Variants in PHKA2 observed in about 807,000 individuals in gnomAD.
PHKA2 encodes the protein phosphorylase kinase regulatory subunit alpha 2.
A neutral mutation model predicts 102.0 loss-of-function variants in PHKA2; 31 were observed. The ratio of observed to expected loss-of-function variants is 0.30; its 90% CI spans 0.23 to 0.41. The LOEUF (loss-of-function observed/expected upper bound fraction) is 0.41, where lower values mean the gene tolerates loss of function less well. Ranked by LOEUF, PHKA2 falls within the 10% of genes least tolerant of loss-of-function variation. PHKA2 has a pLI of 1.00. For synonymous variants in PHKA2, 455 were observed against 416.2 expected (o/e 1.09, Z -1.13); for missense variants, 858 against 1,023.1 (o/e 0.84, Z 2.20).
chrX:18,921,439 A>C (rs897231119), intron 17 of PHKA2, among the ~76,000 whole-genome samples: 13 of 111,548 alleles, frequency 1.2e-4, no homozygotes, highest in Admixed American at 3.8e-4. Flanking sequence ...AAACAACAAC[A>C]ACCCTCAGAA....
chrX:18,975,549 T>C (rs751710455), intron 1 of PHKA2, among the ~76,000 whole-genome samples: 5 of 112,237 alleles, frequency 4.5e-5, no homozygotes, highest in Non-Finnish European at 9.4e-5. Context: ...TTAACAAAAC[T>C]CTATCTTCCA....
chrX:18,974,264 T>C (rs895585801), intron 1 of PHKA2, among the ~76,000 whole-genome samples: 5 of 111,181 alleles, frequency 4.5e-5, no homozygotes, highest in African/African-American at 1.3e-4. Context: ...ACAGCAGAAC[T>C]CTTCAGAAGA....
chrX:18,909,189 G>A (rs1178239188), intron 20 of PHKA2, among the ~76,000 whole-genome samples: 1 of 112,182 alleles, frequency 8.9e-6, no homozygotes, highest in Non-Finnish European at 1.9e-5. Context: ...AAGGTTCACA[G>A]ACCAGTAGAA....
chrX:18,906,984 C>G (rs2047829628), intron 23 of PHKA2, 34 bp downstream of exon 23: 1 of 1,148,837 alleles, frequency 8.7e-7, no homozygotes, highest in Non-Finnish European at 1.2e-6. Context: ...ATGGCTCCCC[C>G]GCAAACCTGA....
chrX:18,903,424 C>T (rs759597559), intron 26 of PHKA2, among the ~76,000 whole-genome samples: 42 of 112,469 alleles, frequency 3.7e-4, no homozygotes, highest in African/African-American at 1.2e-3. Context: ...GCTGTGGGCC[C>T]GAGGGGCTGG....
intron 20 of PHKA2, among the ~76,000 whole-genome samples, chrX:18,909,366 TTG>T (rs1207661719): frequency 8.9e-6 from 1 of 111,734 alleles, no homozygotes; most frequent in Non-Finnish European, 1.9e-5. Context: ...ATATGCCAGA[TTG>T]GTATATTGAC....
At chrX:18,931,262 G>A (rs1234928472) in intron 12 of PHKA2, among the ~76,000 whole-genome samples, 2 of 111,553 alleles carry the variant, frequency 1.8e-5, no homozygotes, top group African/African-American at 3.3e-5. Context: ...CTAAGACTGG[G>A]GCAGGGGCAC....
Position 18,910,916 on chromosome X carries a change from T to A in PHKA2, c.2182A>T (p.Lys728Ter). ...LPTKVLSAHRKSLNLVDSPQP... is the reference protein window; with the variant it reads ...LPTKVLSAHR ...GGAGAATCAACAAGATTCAGTGATTTACGGTGGGCACTTAGAACTTTAGTC... is the reference window on the plus strand; with the variant it reads ...GGAGAATCAACAAGATTCAGTGATTAACGGTGGGCACTTAGAACTTTAGTC... Residue 728 changes from lysine (K) to a stop codon, truncating the protein, a stop_gained, in exon 20 of 33, where the codon AAA (lysine) becomes TAA (stop). Coordinates refer to ENST00000379942, the MANE Select transcript of PHKA2 (RefSeq NM_000292.3). LOFTEE classifies it high-confidence loss of function. 1 of 1,197,310 alleles carries A rather than the reference T, an allele frequency of 8.4e-7. No homozygotes were observed.
At chrX:18,933,594 C>T (rs1174751779) in intron 11 of PHKA2, among the ~76,000 whole-genome samples, 5 of 112,523 alleles carry the variant, frequency 4.4e-5, no homozygotes, top group African/African-American at 9.7e-5. Context: ...CCCAGGGCTG[C>T]GGCTACCCTG....
intron 17 of PHKA2, among the ~76,000 whole-genome samples, chrX:18,920,507 C>CA (rs1420466475): frequency 1.8e-5 from 2 of 112,458 alleles, no homozygotes; most frequent in Non-Finnish European, 3.7e-5. Flanking sequence ...ATATATTGCG[C>CA]AAACTACTTT....
intron 18 of PHKA2, among the ~76,000 whole-genome samples, chrX:18,919,140 A>T (rs902781140): frequency 2.7e-5 from 3 of 112,037 alleles, no homozygotes; most frequent in South Asian, 3.7e-4. Context: ...ACTGAATAAT[A>T]TGTAAGACAG....
At chrX:18,924,644 G>T in intron 15 of PHKA2, 119 bp from the exon 16 acceptor site, 1 of 681,926 alleles carries the variant, frequency 1.5e-6, no homozygotes. Context: ...CTCAGTACTC[G>T]TTTCAATCCA....
chrX:18,927,465 G>T (rs1024985692), intron 13 of PHKA2, among the ~76,000 whole-genome samples: 1 of 112,101 alleles, frequency 8.9e-6, no homozygotes, highest in Non-Finnish European at 1.9e-5. Context: ...AGCTGCGGCC[G>T]AGCCCCCTGG....
chrX:18,911,392 C>T (rs1299556785), intron 19 of PHKA2, among the ~76,000 whole-genome samples: 1 of 111,003 alleles, frequency 9.0e-6, no homozygotes, highest in East Asian at 2.8e-4. Flanking sequence ...AGGCTGATCT[C>T]GAACTCCCGA....
chrX:18,939,027 G>T (rs1000819685), intron 9 of PHKA2, among the ~76,000 whole-genome samples: 4 of 112,262 alleles, frequency 3.6e-5, no homozygotes, highest in African/African-American at 1.3e-4. Context: ...ACCAAGTTTG[G>T]CAGAGGATCT....
chrX:18,967,895 T>G (rs1247742642), intron 1 of PHKA2, among the ~76,000 whole-genome samples: 3 of 111,166 alleles, frequency 2.7e-5, no homozygotes, highest in Non-Finnish European at 5.7e-5. Flanking sequence ...GTTCTCAAAC[T>G]TTTTGGTCTC....
chrX:18,918,002 AG>A (rs1202746524), intron 19 of PHKA2, among the ~76,000 whole-genome samples: 1 of 111,111 alleles, frequency 9.0e-6, no homozygotes. Context: ...GGAACACAGC[AG>A]ATTCAGGAAC....
rs962755741 is a variant in PHKA2, at chrX:18,939,080, G to A, written c.919-331C>T. Among the ~76,000 whole-genome samples the A allele has an allele frequency of 3.6e-5, 4 of 112,639 alleles. No homozygotes were observed. The Admixed American group carries it at 3.7e-4, about 11-fold the overall frequency. On this transcript the variant is annotated intron_variant, in intron 9 of 32. Transcript: ENST00000379942. ...TAGTCAGTGTGGCAAAGAAACCCGA[G>A]GAGGAGGCCACAGTCGGTCTTTAAG...
At chrX:18,897,692 C>G in intron 29 of PHKA2, 1 of 244,882 alleles carries the variant, frequency 4.1e-6, no homozygotes, top group Non-Finnish European at 7.4e-6. Context: ...CACCCGAGGC[C>G]GTCTGGCCCT....
Sources: gnomAD v4.1 joint callset for allele counts (sites outside exome capture counted in the v4.1 genomes callset) on GRCh38, gnomAD v4.1.1 for gene constraint, MANE v1.5 for transcripts, NCBI Gene and HGNC (gene_info 2026-07-23, HGNC 2026-07-21) for gene names.